The following SEC63 variants were observed in gnomAD, a reference collection of about 807,000 sequenced individuals.
The protein encoded by SEC63 is translocation protein SEC63 homolog.
Under a neutral mutation model 116.2 loss-of-function variants are expected in SEC63, and 56 were observed. That is an observed-to-expected ratio of 0.48 (90% CI 0.39 to 0.60). SEC63 has a LOEUF of 0.60. Ranked by LOEUF, SEC63 falls within the 20% of genes least tolerant of loss-of-function variation. The probability of loss-of-function intolerance (pLI) is 0.00; values close to 1 mark genes in which losing one functional copy is unlikely to be tolerated. For synonymous variants in SEC63, 273 were observed against 294.6 expected (o/e 0.93, Z 0.75); for missense variants, 668 against 900.0 (o/e 0.74, Z 3.30).
At chr6:107,926,197 C>T (rs1008436369) in intron 2 of SEC63, among the ~76,000 whole-genome samples, 1 of 152,126 alleles carries the variant, frequency 6.6e-6, no homozygotes, top group Non-Finnish European at 1.5e-5. Flanking sequence ...ATTTACAAAA[C>T]AGCTTTCAAA....
chr6:107,884,851 A>G (rs548403630), intron 16 of SEC63, among the ~76,000 whole-genome samples: 8 of 152,076 alleles, frequency 5.3e-5, no homozygotes, highest in Admixed American at 2.6e-4. Context: ...TGACCAAATG[A>G]TATTTGTTCC....
chr6:107,953,686 G>A (rs529986739), intron 1 of SEC63, among the ~76,000 whole-genome samples: 33 of 144,950 alleles, frequency 2.3e-4, no homozygotes, highest in Admixed American at 9.4e-4. Context: ...CGCCCCGTCC[G>A]GGAGGGAGGT....
At chr6:107,881,324 TC>T (rs1317825854) in intron 17 of SEC63, 74 bp from the exon 18 acceptor site, 9 of 1,013,934 alleles carry the variant, frequency 8.9e-6, no homozygotes, top group Non-Finnish European at 1.4e-5. Context: ...CAGGTATTAT[TC>T]CTGACAATGC....
intron 17 of SEC63, among the ~76,000 whole-genome samples, chr6:107,882,548 C>T (rs1432858378): frequency 1.3e-5 from 2 of 152,168 alleles, no homozygotes; most frequent in African/African-American, 4.8e-5. Context: ...TTTCCCTTAA[C>T]CAACCTCTTG....
Position 107,911,263 on chromosome 6 carries a change from A to G in SEC63, c.624+83T>C, listed in dbSNP as rs1018628769. 8 of 913,556 alleles carry G rather than the reference A, an allele frequency of 8.8e-6. No homozygotes were observed. The African/African-American group carries it at 1.1e-4, about 13-fold the overall frequency. 56.6% of individuals were successfully genotyped at this position (913,556 alleles called of 1,614,324 possible). A position where few individuals can be genotyped will look rare whatever the true frequency, so the allele number is the denominator to read the frequency against. On this transcript the variant is annotated intron_variant, in intron 7 of 20. Coordinates refer to ENST00000369002, the MANE Select transcript of SEC63 (RefSeq NM_007214.5). ...GGATCAATGGGTTATATTCTAACATACATTTAAAATGTTATAGGGAGACTC... is the reference window on the plus strand; with the variant it reads ...GGATCAATGGGTTATATTCTAACATGCATTTAAAATGTTATAGGGAGACTC...
At chr6:107,909,980 T>C (rs1014153452) in intron 7 of SEC63, among the ~76,000 whole-genome samples, 3 of 152,154 alleles carry the variant, frequency 2.0e-5, no homozygotes, top group African/African-American at 7.2e-5. Context: ...TGCATCCCCA[T>C]TATATTAAGC....
rs144384620 is a variant in SEC63, at chr6:107,875,625, G to A, written c.2034+939C>T. Among the ~76,000 whole-genome samples the A allele has an allele frequency of 1.2e-3, 187 of 152,152 alleles. 1 individual carries two copies. Among genetic ancestry groups the A allele is most frequent in the African/African-American group, 4.2e-3 (176 of 41,522 alleles). ...TTGGGAGGCTGAGGTGGGAGAGCCC[G>A]GGAGGCGGAGGTTGCAGTGAGCCGA... On this transcript the variant is annotated intron_variant, in intron 19 of 20. Coordinates refer to ENST00000369002, the MANE Select transcript of SEC63 (RefSeq NM_007214.5).
At chr6:107,937,271 C>T (rs996620621) in intron 1 of SEC63, among the ~76,000 whole-genome samples, 2 of 151,906 alleles carry the variant, frequency 1.3e-5, no homozygotes, top group African/African-American at 2.4e-5. Flanking sequence ...TACGGGCATG[C>T]GCCACCACAC....
At chr6:107,909,945 T>G (rs1488461028) in intron 7 of SEC63, among the ~76,000 whole-genome samples, 1 of 152,180 alleles carries the variant, frequency 6.6e-6, no homozygotes, top group African/African-American at 2.4e-5. Context: ...ACAGCTGTTT[T>G]AAAAAATGAG....
chr6:107,896,187 G>A (rs1786813053), intron 14 of SEC63, among the ~76,000 whole-genome samples: 1 of 151,886 alleles, frequency 6.6e-6, no homozygotes, highest in Non-Finnish European at 1.5e-5. Flanking sequence ...AAATAGGCTG[G>A]GCGCAGTTGC....
At chr6:107,917,454 T>C (rs1787432780) in intron 4 of SEC63, among the ~76,000 whole-genome samples, 1 of 152,016 alleles carries the variant, frequency 6.6e-6, no homozygotes, top group Admixed American at 6.6e-5. Context: ...CCTCTAAATG[T>C]TTAAACGAAA....
At chr6:107,882,822 C>T (rs1786442199) in intron 17 of SEC63, among the ~76,000 whole-genome samples, 166 bp downstream of exon 17, 1 of 152,052 alleles carries the variant, frequency 6.6e-6, no homozygotes, top group Non-Finnish European at 1.5e-5. Context: ...CCTTGACTAC[C>T]ATTCCTTAAA....
chr6:107,928,589 A>G (rs1787729898), intron 2 of SEC63, among the ~76,000 whole-genome samples: 1 of 152,218 alleles, frequency 6.6e-6, no homozygotes, highest in African/African-American at 2.4e-5. Flanking sequence ...AAAAACTATC[A>G]TTTAAACCAA....
intron 18 of SEC63, 91 bp from the exon 19 acceptor site, chr6:107,876,753 G>A: frequency 1.3e-6 from 1 of 796,218 alleles, no homozygotes; most frequent in Non-Finnish European, 2.1e-6. Flanking sequence ...TCTTATCTTA[G>A]AGATCCTCTG....
chr6:107,908,963 A>C lies in SEC63; in HGVS notation c.697T>G (p.Tyr233Asp), dbSNP rs1787215606. ...ATATTTCGGGTTTTATAAACAAAGT[A>C]TGTATAAATCTGTGTTGTGCGTATT... Reference protein sequence around the residue: ...ILIRTTQIYTYFVYKTRNMDM... With the variant: ...ILIRTTQIYTDFVYKTRNMDM... The change falls in exon 8 of 21, where the codon TAC becomes GAC. Residue 233 changes from tyrosine (Y) to aspartate (D), a missense_variant. Around this residue, in one of 5 missense-constraint regions of SEC63, gnomAD observed 430 missense variants for 557.5 expected, o/e 0.77. Coordinates refer to ENST00000369002, the MANE Select transcript of SEC63 (RefSeq NM_007214.5). The C allele has an allele frequency of 6.2e-7, 1 of 1,612,238 alleles. No individual in the cohort carries two copies. The highest frequency in any genetic ancestry group is 8.5e-7 in the Non-Finnish European group (1 of 1,178,478).
chr6:107,899,978 T>C (rs149829912), intron 13 of SEC63, among the ~76,000 whole-genome samples: 81 of 152,300 alleles, frequency 5.3e-4, no homozygotes, highest in Middle Eastern at 6.8e-3. Context: ...ATTGCACTGT[T>C]TGCCTTCCTT....
intron 18 of SEC63, among the ~76,000 whole-genome samples, chr6:107,878,875 T>A (rs1786341493): frequency 2.0e-5 from 3 of 152,028 alleles, no homozygotes; most frequent in Admixed American, 2.0e-4. Context: ...AAAGAATATT[T>A]ATTAAGAAGC....
chr6:107,889,179 T>C (rs905525267), intron 16 of SEC63, among the ~76,000 whole-genome samples: 12 of 152,208 alleles, frequency 7.9e-5, no homozygotes, highest in African/African-American at 2.9e-4. Flanking sequence ...CAGCTCCTCT[T>C]TGTAGCTCTG....
intron 2 of SEC63, 49 bp downstream of exon 2, chr6:107,929,366 G>C: frequency 1.1e-6 from 1 of 934,924 alleles, no homozygotes; most frequent in Non-Finnish European, 1.8e-6. Context: ...GTATGACCTA[G>C]CAAAGAGTAA....
Sources: allele counts gnomAD v4.1 joint callset (sites outside exome capture counted in the v4.1 genomes callset), GRCh38; gene constraint gnomAD v4.1.1; regional missense constraint gnomAD v4.1.1; transcripts MANE v1.5; gene names NCBI Gene and HGNC (gene_info 2026-07-23, HGNC 2026-07-21).